MME: variants seen among roughly 807,000 people sequenced by gnomAD.
The protein encoded by MME is neprilysin.
Under a neutral mutation model 113.2 loss-of-function variants are expected in MME, and 98 were observed. The ratio of observed to expected loss-of-function variants is 0.87; its 90% confidence interval spans 0.74 to 1.02. MME has a LOEUF of 1.02. Ranked by LOEUF, MME falls within the 50% of genes least tolerant of loss-of-function variation. The pLI is 0.00. For synonymous variants in MME, 292 were observed against 300.6 expected (o/e 0.97, Z 0.30); for missense variants, 836 against 896.0 (o/e 0.93, Z 0.86).
chr3:155,099,631 A>G (rs545863092), intron 3 of MME, among the ~76,000 whole-genome samples: 11 of 152,240 alleles, frequency 7.2e-5, no homozygotes, highest in Non-Finnish European at 1.6e-4. Flanking sequence ...ACAGCTTCAT[A>G]AAAAAGAAAC....
chr3:155,084,437 A>G (rs998297926), intron 2 of MME, 110 bp downstream of exon 2: 2 of 1,055,364 alleles, frequency 1.9e-6, no homozygotes, highest in African/African-American at 3.1e-5. Flanking sequence ...GCACTTAAAG[A>G]CTGACAAAGA....
At chr3:155,107,599 G>A (rs80035404) in intron 3 of MME, among the ~76,000 whole-genome samples, 1,577 of 152,212 alleles carry the variant, frequency 0.01, 7 homozygotes, top group Non-Finnish European at 0.018. Flanking sequence ...AAGAAAAGAG[G>A]AATATAAGCA....
At chr3:155,077,628 C>A (rs781449886), upstream of MME, among the ~76,000 whole-genome samples, 2 of 151,936 alleles carry the variant, frequency 1.3e-5, no homozygotes, top group Non-Finnish European at 2.9e-5. Context: ...GTAGTCCAAG[C>A]TACTTAAGAG....
chr3:155,028,567 T>C (rs1576658472), intron 1 of MME, among the ~76,000 whole-genome samples: 3 of 152,170 alleles, frequency 2.0e-5, no homozygotes, highest in African/African-American at 7.2e-5. Context: ...CCACACTTTA[T>C]AGATGGAGGA....
intron 3 of MME, among the ~76,000 whole-genome samples, chr3:155,093,692 C>T (rs1716486047): frequency 6.6e-6 from 1 of 151,884 alleles, no homozygotes; most frequent in African/African-American, 2.4e-5. Context: ...TCTGCCTCTA[C>T]TAAAAATACA....
intron 1 of MME, among the ~76,000 whole-genome samples, chr3:155,033,202 A>C (rs2108114963): frequency 6.6e-6 from 1 of 152,340 alleles, no homozygotes; most frequent in East Asian, 1.9e-4. Context: ...CAAACATGCT[A>C]TGTGACTCAG....
In MME at chr3:155,116,494, C is replaced by T; in HGVS notation, c.374C>T (p.Pro125Leu). 1 of 1,611,374 alleles carries T rather than the reference C, an allele frequency of 6.2e-7. No homozygotes were observed. Among genetic ancestry groups the T allele is most frequent in the Non-Finnish European group, 8.5e-7 (1 of 1,178,146 alleles). ...EVVLKDVLQE[P>L]KTEDIVAVQK... is the part of the protein sequence containing the mutation. ...CCTATTTCAGATGTCCTTCAAGAAC[C>T]CAAAACTGAAGATATAGTAGCAGTG... Residue 125 changes from proline (P) to leucine (L), a missense_variant, in exon 5 of 23, where the codon CCC becomes CTC. Pro to Leu is a moderately conservative substitution (Grantham distance 98, BLOSUM62 -3). Coordinates refer to ENST00000360490, the MANE Select transcript of MME (RefSeq NM_007289.4).
upstream of MME, among the ~76,000 whole-genome samples, chr3:155,074,697 G>A (rs1714687541): frequency 6.6e-6 from 1 of 152,218 alleles, no homozygotes; most frequent in East Asian, 1.9e-4. Flanking sequence ...TTCCCAAAGT[G>A]CTGGGATTAC....
chr3:155,083,900 G>C, intron 1 of MME: 2 of 419,768 alleles, frequency 4.8e-6, no homozygotes, highest in Admixed American at 3.7e-5. Context: ...ATTTTGCTGA[G>C]ATTTTCAGTG....
At chr3:155,041,030 A>G (rs1713300721) in intron 1 of MME, among the ~76,000 whole-genome samples, 1 of 152,182 alleles carries the variant, frequency 6.6e-6, no homozygotes, top group Admixed American at 6.6e-5. Flanking sequence ...CATTTTCCTC[A>G]GGACTCTCCC....
intron 1 of MME, among the ~76,000 whole-genome samples, chr3:155,068,062 A>G (rs1714443448): frequency 6.6e-6 from 1 of 152,248 alleles, no homozygotes. Flanking sequence ...TAAACAAACT[A>G]AGGGATATCC....
At chr3:155,149,690 T>G (rs1721781246) in intron 16 of MME, among the ~76,000 whole-genome samples, 1 of 151,876 alleles carries the variant, frequency 6.6e-6, no homozygotes, top group African/African-American at 2.4e-5. Flanking sequence ...CAAAGTGCTG[T>G]GGGCTTATTT....
intron 1 of MME, among the ~76,000 whole-genome samples, chr3:155,066,178 A>C (rs1576679926): frequency 6.6e-6 from 1 of 152,366 alleles, no homozygotes. Context: ...ACAGAAAATT[A>C]GCATTTTATA....
chr3:155,170,498 C>A (rs1711808238), intron 20 of MME, among the ~76,000 whole-genome samples: 1 of 152,178 alleles, frequency 6.6e-6, no homozygotes, highest in Non-Finnish European at 1.5e-5. Context: ...AGTGTTCAGT[C>A]TAGGGACATT....
chr3:155,133,053 AAAAAAAAAAATATATAT>A (rs912072854), intron 8 of MME, among the ~76,000 whole-genome samples: 1 of 138,760 alleles, frequency 7.2e-6, no homozygotes, highest in African/African-American at 2.7e-5. Flanking sequence ...AAAAAAAAAA[AAAAAAAAAAATATATAT>A]ATATATATAT....
chr3:155,099,857 A>C (rs1320837072), intron 3 of MME, among the ~76,000 whole-genome samples: 1 of 152,216 alleles, frequency 6.6e-6, no homozygotes, highest in Non-Finnish European at 1.5e-5. Flanking sequence ...TGCAATAAAC[A>C]TACATGTGCA....
At chr3:155,160,326 T>C (rs1722623145) in intron 16 of MME, 64 bp from the exon 17 acceptor site, 1 of 1,061,180 alleles carries the variant, frequency 9.4e-7, no homozygotes, top group Admixed American at 1.7e-5. Context: ...ATGCTTTAAT[T>C]GTGTGAGTGG....
At chr3:155,044,282 G>A (rs1310729453) in intron 1 of MME, among the ~76,000 whole-genome samples, 2 of 150,244 alleles carry the variant, frequency 1.3e-5, no homozygotes, top group Non-Finnish European at 3.0e-5. Context: ...ACAGGTGCAC[G>A]CCAGGACACC....
Position 155,180,994 on chromosome 3 carries a change from A to AT in MME, c.*540dup, listed in dbSNP as rs1156704274. 1 of 156,384 alleles carries AT rather than the reference A, an allele frequency of 6.4e-6. No individual in the cohort carries two copies. The highest frequency in any genetic ancestry group is 1.4e-5 in the Non-Finnish European group (1 of 70,162). 9.7% of individuals were successfully genotyped at this position (156,384 alleles called of 1,614,324 possible). ...TTGGAGCTTACATAGTTTTAAACTC[A>AT]TTTTTGCCATACATCAGTTATTCAT... is the stretch of plus-strand genomic sequence containing the variant. On this transcript the variant is annotated 3_prime_UTR_variant, in exon 23 of 23. Transcript: ENST00000360490.
Sources: allele counts gnomAD v4.1 joint callset (sites outside exome capture counted in the v4.1 genomes callset), GRCh38; gene constraint gnomAD v4.1.1; transcripts MANE v1.5; gene names NCBI Gene and HGNC (gene_info 2026-07-23, HGNC 2026-07-21).